PCDH9: variants seen among roughly 807,000 people sequenced by gnomAD.
PCDH9 encodes protocadherin 9.
A neutral mutation model predicts 70.6 loss-of-function variants in PCDH9; 24 were observed. That is an observed-to-expected ratio of 0.34 (90% CI 0.25 to 0.48). The LOEUF is 0.48. PCDH9 is among the 20% of genes least tolerant of loss of function. The pLI is 0.99. For synonymous variants in PCDH9, 562 were observed against 558.5 expected (o/e 1.01, Z -0.09); for missense variants, 1,281 against 1,503.6 (o/e 0.85, Z 2.45).
At chr13:67,197,321 T>G (rs2089094286) in intron 2 of PCDH9, among the ~76,000 whole-genome samples, 1 of 152,018 alleles carries the variant, frequency 6.6e-6, no homozygotes, top group East Asian at 1.9e-4. Context: ...ATAAGGAAGC[T>G]AAACTGTTTC....
intron 4 of PCDH9, among the ~76,000 whole-genome samples, chr13:66,619,105 CCTTG>C (rs1478692938): frequency 6.6e-6 from 1 of 152,022 alleles, no homozygotes; most frequent in Non-Finnish European, 1.5e-5. Context: ...AAAGCTATGT[CCTTG>C]CTTGTTTTAT....
chr13:66,670,695 T>G lies in PCDH9; in HGVS notation c.3139-39284A>C, dbSNP rs548049865. The stretch of plus-strand genomic sequence containing the variant: ...ATATTCTACCTAATTTTGCCTGTTT[T>G]CATACATTCACAGGTACTGATGATA... On this transcript the variant is annotated intron_variant, in intron 3 of 4. Transcript: ENST00000377865. Among the ~76,000 whole-genome samples, 5 of 152,212 alleles carry G rather than the reference T, an allele frequency of 3.3e-5. No homozygotes were observed. In the South Asian group the frequency reaches 1.0e-3, roughly 32 times the overall value.
intron 2 of PCDH9, among the ~76,000 whole-genome samples, chr13:67,106,287 A>T (rs766497582): frequency 5.9e-5 from 9 of 152,202 alleles, no homozygotes; most frequent in Non-Finnish European, 1.2e-4. Context: ...CATTTTAAGT[A>T]CTTACTATGT....
chr13:66,407,372 G>A (rs1220246672), intron 4 of PCDH9, among the ~76,000 whole-genome samples: 1 of 152,140 alleles, frequency 6.6e-6, no homozygotes, highest in Non-Finnish European at 1.5e-5. Context: ...ACACAGGTTT[G>A]GACTCACTAA....
At chr13:67,009,095 C>T (rs371237946) in intron 2 of PCDH9, among the ~76,000 whole-genome samples, 279 of 152,184 alleles carry the variant, frequency 1.8e-3, no homozygotes, top group Middle Eastern at 0.017. Context: ...ACCTTCTACA[C>T]AGTGATTACC....
At chr13:67,151,335 C>T (rs898027620) in intron 2 of PCDH9, among the ~76,000 whole-genome samples, 1 of 152,138 alleles carries the variant, frequency 6.6e-6, no homozygotes, top group African/African-American at 2.4e-5. Flanking sequence ...ATTTGTTCCT[C>T]TTTAGGGATA....
chr13:66,505,456 C>G (rs1265939882), intron 4 of PCDH9, among the ~76,000 whole-genome samples: 1 of 151,278 alleles, frequency 6.6e-6, no homozygotes, highest in African/African-American at 2.4e-5. Context: ...AACTACCTCC[C>G]ACCAGGTCCC....
At chr13:66,866,960 C>T (rs1165644284) in intron 3 of PCDH9, among the ~76,000 whole-genome samples, 1 of 151,354 alleles carries the variant, frequency 6.6e-6, no homozygotes, top group Non-Finnish European at 1.5e-5. Flanking sequence ...GAAAACCAAA[C>T]ACTAACTGTG....
At chr13:66,740,828 C>G (rs1202476645) in intron 3 of PCDH9, among the ~76,000 whole-genome samples, 1 of 146,728 alleles carries the variant, frequency 6.8e-6, no homozygotes, top group African/African-American at 2.5e-5. Flanking sequence ...ATAACAGGAT[C>G]TGAAATTGTG....
Position 66,498,235 on chromosome 13 carries a change from C to G in PCDH9, c.3340+132975G>C, listed in dbSNP as rs1386017576. 6.6e-5 allele frequency among the ~76,000 whole-genome samples: 10 copies of G among 151,716 alleles called. No homozygotes were observed. The East Asian group carries it at 1.9e-3, about 29-fold the overall frequency. ...CTCGGCTCACTTGAAAGCTCCACTT[C>G]CCAGGTTCACGCCATTCTCCTGCCT... On this transcript the variant is annotated intron_variant, in intron 4 of 4. Transcript: ENST00000377865.
At chr13:66,819,746 A>AC (rs1456519886) in intron 3 of PCDH9, among the ~76,000 whole-genome samples, 1 of 152,140 alleles carries the variant, frequency 6.6e-6, no homozygotes, top group African/African-American at 2.4e-5. Context: ...AAATTAAAAA[A>AC]TTAGCAGTGC....
intron 2 of PCDH9, among the ~76,000 whole-genome samples, chr13:67,023,383 T>C (rs909457220): frequency 1.3e-5 from 2 of 152,214 alleles, no homozygotes; most frequent in Non-Finnish European, 2.9e-5. Context: ...TTCAAAGACA[T>C]ACCAGAAATT....
intron 3 of PCDH9, among the ~76,000 whole-genome samples, chr13:66,866,919 A>G (rs190473664): frequency 1.3e-5 from 2 of 152,268 alleles, no homozygotes; most frequent in Admixed American, 1.3e-4. Flanking sequence ...AGAAAGCACA[A>G]TTCTTCTAAC....
chr13:67,002,223 T>A (rs1222702592), intron 2 of PCDH9, among the ~76,000 whole-genome samples: 1 of 152,150 alleles, frequency 6.6e-6, no homozygotes, highest in Non-Finnish European at 1.5e-5. Context: ...TATTAAAAAT[T>A]TAATTTGCTA....
At chr13:66,881,704 T>A (rs146690111) in intron 3 of PCDH9, among the ~76,000 whole-genome samples, 2,606 of 152,330 alleles carry the variant, frequency 0.017, 31 homozygotes, top group South Asian at 0.045. Context: ...ATAATATGTT[T>A]TCTAGAATTC....
intron 2 of PCDH9, among the ~76,000 whole-genome samples, chr13:67,017,451 C>G (rs1298892308): frequency 6.6e-6 from 1 of 152,066 alleles, no homozygotes; most frequent in Non-Finnish European, 1.5e-5. Flanking sequence ...CCCCTGTTTA[C>G]AAGAATAAGG....
chr13:67,227,523 A>G lies in PCDH9; in HGVS notation c.918T>C (p.Asn306=). The G allele has an allele frequency of 6.2e-7, 1 of 1,613,946 alleles. No homozygotes were observed. Among genetic ancestry groups the G allele is most frequent in the Non-Finnish European group, 8.5e-7 (1 of 1,179,850 alleles). The change falls in exon 2 of 5, where the codon AAT becomes AAC. Residue 306 remains asparagine, a synonymous_variant. Transcript: ENST00000377865. The surrounding 1 kb of genome is among the most constrained non-coding windows in gnomAD (Gnocchi z 4.6). The part of the protein sequence containing the change: ...APATKRLFAL[N]NTTGLITVQR... ...GAACTGTAATCAGCCCAGTAGTATT[A>G]TTTAAAGCAAAGAGTCTTTTGGTTG...
At chr13:66,559,833 T>C (rs9571597) in intron 4 of PCDH9, among the ~76,000 whole-genome samples, 17,789 of 86,910 alleles carry the variant, frequency 0.2, 2,025 homozygotes, top group Middle Eastern at 0.35. Context: ...TATATATATA[T>C]ACACACACAC....
At chr13:66,786,236 C>T (rs1378148243) in intron 3 of PCDH9, among the ~76,000 whole-genome samples, 2 of 152,120 alleles carry the variant, frequency 1.3e-5, no homozygotes, top group African/African-American at 2.4e-5. Context: ...CAGCCACATG[C>T]ATCAAGGAAA....
Sources: gnomAD v4.1 joint callset for allele counts (sites outside exome capture counted in the v4.1 genomes callset) on GRCh38, gnomAD v4.1.1 for gene constraint, Gnocchi (gnomAD v3.1) non-coding constraint, MANE v1.5 for transcripts, NCBI Gene and HGNC (gene_info 2026-07-23, HGNC 2026-07-21) for gene names.